The following SLAIN1 variants were observed in gnomAD, a reference collection of about 807,000 sequenced individuals.
The protein encoded by SLAIN1 is SLAIN motif-containing protein 1.
SLAIN1 carries 17 observed loss-of-function variants against 55.4 expected under a neutral mutation model. The ratio of observed to expected loss-of-function variants is 0.31; its 90% confidence interval spans 0.21 to 0.46. The LOEUF (loss-of-function observed/expected upper bound fraction) is 0.46. SLAIN1 is among the 20% of genes least tolerant of loss of function. The pLI is 1.00. For missense variants in SLAIN1, 682 were observed against 785.1 expected, an observed-to-expected ratio of 0.87 and a Z score of 1.57; for synonymous variants, 348 against 337.4, an observed-to-expected ratio of 1.03 and a Z score of -0.35.
Position 77,746,566 on chromosome 13 carries a change from C to T in SLAIN1, c.969C>T (p.Ser323=), listed in dbSNP as rs1204619642. 3.1e-6 allele frequency: 5 copies of T among 1,613,190 alleles called. No homozygotes were observed. Among genetic ancestry groups the T allele is most frequent in the East Asian group, 2.2e-5 (1 of 44,844 alleles). The change falls in exon 4 of 7, where the codon TCC becomes TCT. Residue 323 remains serine (S), a synonymous_variant. Coordinates refer to ENST00000418532, the MANE Select transcript of SLAIN1 (RefSeq NM_001242868.2). ...STSASVSRHS[S]SVSLSSGKKG... ...CAGCATCTGTATCAAGACATAGTTCCAGTGTGTCATTGAGTTCAGGAAAAA... is the reference window on the plus strand; with the variant it reads ...CAGCATCTGTATCAAGACATAGTTCTAGTGTGTCATTGAGTTCAGGAAAAA...
chr13:77,699,985 A>T (rs2091014934), intron 1 of SLAIN1, among the ~76,000 whole-genome samples: 1 of 152,180 alleles, frequency 6.6e-6, no homozygotes, highest in Non-Finnish European at 1.5e-5. Context: ...GTCCCTACTT[A>T]GCCTTTTCTG....
chr13:77,744,009 T>C (rs1046865390), intron 2 of SLAIN1, among the ~76,000 whole-genome samples: 9 of 152,038 alleles, frequency 5.9e-5, no homozygotes, highest in African/African-American at 2.2e-4. Context: ...ATAAAAAATA[T>C]AATGTGAAAT....
intron 3 of SLAIN1, among the ~76,000 whole-genome samples, chr13:77,746,093 G>A (rs865891770): frequency 6.6e-6 from 1 of 152,092 alleles, no homozygotes; most frequent in Non-Finnish European, 1.5e-5. Context: ...AAAGTTGGGG[G>A]TGGGGAGCAG....
At chr13:77,747,374 C>T (rs149636144) in intron 4 of SLAIN1, among the ~76,000 whole-genome samples, 38 of 152,236 alleles carry the variant, frequency 2.5e-4, no homozygotes, top group Admixed American at 1.7e-3. Flanking sequence ...GATTTATAAA[C>T]GCACAGCCTC....
chr13:77,738,108 T>C (rs191473240), intron 2 of SLAIN1, among the ~76,000 whole-genome samples: 2 of 152,120 alleles, frequency 1.3e-5, no homozygotes, highest in African/African-American at 4.8e-5. Flanking sequence ...AGTTTTTTAG[T>C]ATCTGTTGCC....
At chr13:77,721,987 T>A (rs2091266788) in intron 2 of SLAIN1, among the ~76,000 whole-genome samples, 1 of 139,972 alleles carries the variant, frequency 7.1e-6, no homozygotes, top group African/African-American at 2.9e-5. Context: ...CATTTACATA[T>A]AAGGTTAGGT....
At chr13:77,729,514 T>C (rs2091337650) in intron 2 of SLAIN1, among the ~76,000 whole-genome samples, 1 of 152,086 alleles carries the variant, frequency 6.6e-6, no homozygotes, top group South Asian at 2.1e-4. Flanking sequence ...TTTTTTTTTT[T>C]TTGGTAGGTG....
At chr13:77,715,506 C>G (rs2154409587) in intron 1 of SLAIN1, among the ~76,000 whole-genome samples, 1 of 152,174 alleles carries the variant, frequency 6.6e-6, no homozygotes, top group Middle Eastern at 3.4e-3. Flanking sequence ...TTTTAAGAAG[C>G]TGCCAAACTC....
chr13:77,710,894 A>G (rs1245330938), intron 1 of SLAIN1, among the ~76,000 whole-genome samples: 5 of 152,246 alleles, frequency 3.3e-5, no homozygotes, highest in Admixed American at 1.3e-4. Context: ...CTCTCAGACC[A>G]CAGTGCAATC....
In SLAIN1 at chr13:77,698,087, C is replaced by T; in HGVS notation, c.174C>T (p.His58=). 2 of 1,210,228 alleles carry T rather than the reference C, an allele frequency of 1.7e-6. No individual in the cohort carries two copies. The highest frequency in any genetic ancestry group is 5.7e-5 in the South Asian group (2 of 35,304). 75.0% of individuals were successfully genotyped at this position (1,210,228 alleles called of 1,614,324 possible). A position where few individuals can be genotyped will look rare whatever the true frequency, so the allele number is the denominator to read the frequency against. Residue 58 remains histidine, a synonymous_variant, in exon 1 of 7, where the codon CAC becomes CAT. Transcript: ENST00000418532. This position sits in a 1 kb window ranked among gnomAD's most constrained non-coding sequence, Gnocchi z 4.1. The part of the protein sequence containing the change: ...SRAASAAAAP[H]LLLLPPPPPA... ...CGGCCAGCGCGGCCGCCGCCCCGCA[C>T]CTGCTGCTGCTGCCGCCGCCGCCGC...
intron 2 of SLAIN1, chr13:77,743,269 A>G (rs756747601): frequency 5.6e-5 from 55 of 985,454 alleles, no homozygotes; most frequent in Non-Finnish European, 7.2e-5. Flanking sequence ...TAATCTTAAG[A>G]GTGGAGAGTT....
At chr13:77,748,900 C>T (rs1179795383) in intron 4 of SLAIN1, among the ~76,000 whole-genome samples, 1 of 152,122 alleles carries the variant, frequency 6.6e-6, no homozygotes, top group East Asian at 1.9e-4. Flanking sequence ...CCATCTGGTA[C>T]ACATTTTCTC....
At chr13:77,744,473 TG>T (rs1233151532) in intron 3 of SLAIN1, 41 bp downstream of exon 3, 5 of 1,603,524 alleles carry the variant, frequency 3.1e-6, no homozygotes, top group Non-Finnish European at 4.2e-6. Flanking sequence ...GGCTTCCACT[TG>T]GAATATACAG....
intron 1 of SLAIN1, among the ~76,000 whole-genome samples, chr13:77,702,161 C>G (rs6563017): frequency 1.3e-5 from 2 of 151,048 alleles, no homozygotes; most frequent in Admixed American, 1.3e-4. Context: ...TTAATCCAGT[C>G]TATCATTGTT....
intron 2 of SLAIN1, among the ~76,000 whole-genome samples, chr13:77,728,701 C>T (rs547005015): frequency 1.3e-5 from 2 of 152,066 alleles, no homozygotes; most frequent in African/African-American, 2.4e-5. Flanking sequence ...TAGACTAATC[C>T]ACAGTTCTGC....
At chr13:77,707,438 G>A (rs1295016136) in intron 1 of SLAIN1, among the ~76,000 whole-genome samples, 1 of 151,850 alleles carries the variant, frequency 6.6e-6, no homozygotes, top group East Asian at 1.9e-4. Flanking sequence ...TCTGTTCCCT[G>A]CATTGTTTTT....
At chr13:77,761,547 C>G (rs960392460) in intron 6 of SLAIN1, among the ~76,000 whole-genome samples, 8 of 152,160 alleles carry the variant, frequency 5.3e-5, no homozygotes, top group Non-Finnish European at 2.9e-5. Context: ...ATGCCCAATA[C>G]AGGTAGGATC....
At chr13:77,751,636 C>T (rs548664923) in intron 4 of SLAIN1, among the ~76,000 whole-genome samples, 2 of 152,188 alleles carry the variant, frequency 1.3e-5, no homozygotes, top group South Asian at 4.1e-4. Context: ...GAGTTCACCC[C>T]TGTGGTCGGG....
At position 77,749,460 on chromosome 13, in the gene SLAIN1, G is replaced by A. The variant is rs2154410627; in HGVS notation, c.1258+2605G>A. On this transcript the variant is annotated intron_variant, in intron 4 of 6. Transcript: ENST00000418532. Reference sequence around the variant, plus strand: ...CATGAGGACCTCCCCTGGAGCCTGTGTTGCCTGGATGCCTAGATCTAGCTG... The same window carrying A: ...CATGAGGACCTCCCCTGGAGCCTGTATTGCCTGGATGCCTAGATCTAGCTG... 2.6e-5 allele frequency among the ~76,000 whole-genome samples: 4 copies of A among 152,266 alleles called. No homozygotes were observed. The Middle Eastern group carries it at 0.014, about 518-fold the overall frequency.
Sources: allele counts gnomAD v4.1 joint callset (sites outside exome capture counted in the v4.1 genomes callset), GRCh38; gene constraint gnomAD v4.1.1; non-coding constraint Gnocchi (gnomAD v3.1); transcripts MANE v1.5; gene names NCBI Gene and HGNC (gene_info 2026-07-23, HGNC 2026-07-21).